Variants in NXPE2 observed in about 807,000 individuals in gnomAD.
The protein encoded by NXPE2 is neurexophilin and PC-esterase domain family member 2.
In NXPE2, 34 loss-of-function variants were observed where a neutral mutation model predicts 34.4. The ratio of observed to expected loss-of-function variants is 0.99; its 90% confidence interval spans 0.75 to 1.31. The LOEUF (loss-of-function observed/expected upper bound fraction) is 1.31. NXPE2 is among the 40% of genes most tolerant of loss of function. The pLI is 0.00. For synonymous variants in NXPE2, 235 were observed against 231.3 expected (o/e 1.02, Z -0.15); for missense variants, 649 against 672.5 (o/e 0.97, Z 0.39).
At chr11:114,806,067 T>G in the NXPE2 span, among the ~76,000 whole-genome samples, 2 of 152,204 alleles carry the variant, frequency 1.3e-5, no homozygotes, top group Non-Finnish European at 2.9e-5. Context: ...CCACCGCTGC[T>G]GGTACCCAGG....
chr11:114,485,549 CA>C, the NXPE2 span, among the ~76,000 whole-genome samples: 1 of 151,802 alleles, frequency 6.6e-6, no homozygotes, highest in African/African-American at 2.4e-5. Flanking sequence ...TTTAAATGTA[CA>C]ATACATTATT....
At chr11:114,561,516 G>T in the NXPE2 span, among the ~76,000 whole-genome samples, 1 of 152,100 alleles carries the variant, frequency 6.6e-6, no homozygotes, top group East Asian at 1.9e-4. Flanking sequence ...AAAGTCTTTG[G>T]TAGCTCTTTC....
the NXPE2 span, among the ~76,000 whole-genome samples, chr11:114,465,062 C>T: frequency 6.6e-6 from 1 of 152,166 alleles, no homozygotes; most frequent in South Asian, 2.1e-4. Context: ...GAATGTGAGT[C>T]TTAAGCACTT....
chr11:114,796,287 G>A, the NXPE2 span, among the ~76,000 whole-genome samples: 83 of 152,088 alleles, frequency 5.5e-4, no homozygotes, highest in East Asian at 3.5e-3. Context: ...AGCTCTGTTC[G>A]CATATTAATT....
chr11:114,578,918 A>G, the NXPE2 span, among the ~76,000 whole-genome samples: 1 of 152,218 alleles, frequency 6.6e-6, no homozygotes, highest in Non-Finnish European at 1.5e-5. Context: ...GTGTGCCACT[A>G]TGCCTTGCAA....
the NXPE2 span, among the ~76,000 whole-genome samples, chr11:114,791,653 A>C: frequency 6.6e-6 from 1 of 152,236 alleles, no homozygotes; most frequent in Non-Finnish European, 1.5e-5. Context: ...GGTAGGGTGA[A>C]AGTAAAATTG....
the NXPE2 span, among the ~76,000 whole-genome samples, chr11:114,655,081 GC>G: frequency 6.6e-6 from 1 of 152,098 alleles, no homozygotes; most frequent in Admixed American, 6.5e-5. Context: ...GTGATAATGA[GC>G]TTTTTTTTCT....
At chr11:114,608,863 A>C in the NXPE2 span, among the ~76,000 whole-genome samples, 4 of 150,872 alleles carry the variant, frequency 2.7e-5, no homozygotes. Flanking sequence ...GTGGGTAACC[A>C]CTCTTACCCG....
At chr11:114,780,390 C>A in the NXPE2 span, among the ~76,000 whole-genome samples, 1 of 152,204 alleles carries the variant, frequency 6.6e-6, no homozygotes, top group Admixed American at 6.5e-5. Flanking sequence ...GGAGCTGTGC[C>A]TGCAGGAAAT....
chr11:114,590,184 G>C, the NXPE2 span, among the ~76,000 whole-genome samples: 2 of 152,162 alleles, frequency 1.3e-5, no homozygotes, highest in Non-Finnish European at 2.9e-5. Context: ...GCAATATGTG[G>C]ATGATATACT....
At chr11:114,610,320 C>G in the NXPE2 span, among the ~76,000 whole-genome samples, 1 of 151,290 alleles carries the variant, frequency 6.6e-6, no homozygotes, top group Non-Finnish European at 1.5e-5. Context: ...CACTGTTATC[C>G]GGTGAATAAT....
chr11:114,717,851 A>G, the NXPE2 span, among the ~76,000 whole-genome samples: 1 of 152,200 alleles, frequency 6.6e-6, no homozygotes, highest in African/African-American at 2.4e-5. Context: ...GAGGGTTACC[A>G]GAAGTGTTTG....
the NXPE2 span, among the ~76,000 whole-genome samples, chr11:114,787,716 T>TTTCC: frequency 6.6e-6 from 1 of 152,168 alleles, no homozygotes; most frequent in Non-Finnish European, 1.5e-5. Flanking sequence ...TATGTATGTA[T>TTTCC]CTATCTATCT....
At position 114,698,010 on chromosome 11, in the gene NXPE2, CTGA is replaced by C. The variant is rs749339415; in HGVS notation, c.133-30_133-28del. The C allele has an allele frequency of 1.3e-4, 183 of 1,439,484 alleles. 5 individuals are homozygous for C. In the South Asian group the frequency reaches 2.7e-3, roughly 21 times the overall value. 89.2% of individuals were successfully genotyped at this position (1,439,484 alleles called of 1,614,324 possible). ...ATTGAAAAGCAAGCCCTATTGTTTGCTGATGATATTTTCTTTTCCCTTTCAATA... is the reference window on the plus strand; with the variant it reads ...ATTGAAAAGCAAGCCCTATTGTTTGCTGATATTTTCTTTTCCCTTTCAATA... On this transcript the variant is annotated intron_variant, in intron 2 of 5. Transcript: ENST00000389586.
the NXPE2 span, among the ~76,000 whole-genome samples, chr11:114,798,854 T>C: frequency 2.0e-5 from 3 of 152,210 alleles, no homozygotes; most frequent in African/African-American, 4.8e-5. Flanking sequence ...TCTCTTTCAA[T>C]CTGTACCTTC....
In NXPE2 at chr11:114,706,849, T is replaced by G; in HGVS notation, c.1599T>G (p.Ile533Met). Reference sequence around the variant, plus strand: ...TTATTGATGCCTGGGACATGACGATTGCATATTGCACCAACAATGCCCATC... The same window carrying G: ...TTATTGATGCCTGGGACATGACGATGGCATATTGCACCAACAATGCCCATC... The part of the protein sequence containing the change: ...VGIIDAWDMT[I>M]AYCTNNAHPP... The change falls in exon 6 of 6, where the codon ATT (isoleucine) becomes ATG (methionine). Residue 533 changes from isoleucine to methionine, a missense_variant. Transcript: ENST00000389586. 6.4e-7 allele frequency: 1 copy of G among 1,552,130 alleles called. No individual in the cohort carries two copies. The highest frequency in any genetic ancestry group is 8.7e-7 in the Non-Finnish European group (1 of 1,146,970).
At chr11:114,732,698 T>C in the NXPE2 span, among the ~76,000 whole-genome samples, 1 of 152,224 alleles carries the variant, frequency 6.6e-6, no homozygotes, top group Admixed American at 6.5e-5. Flanking sequence ...TTCTTAAAAA[T>C]TCTCTCTGTT....
chr11:114,582,655 C>T, the NXPE2 span: 2 of 1,614,196 alleles, frequency 1.2e-6, no homozygotes, highest in Non-Finnish European at 1.7e-6. Flanking sequence ...AAGTCAGTCA[C>T]CTTTCCTGAA....
At chr11:114,584,114 G>A in the NXPE2 span, 1 of 292,042 alleles carries the variant, frequency 3.4e-6, no homozygotes, top group Non-Finnish European at 6.7e-6. Flanking sequence ...TGTGGAATCT[G>A]TCAAGAGTGT....
Sources: allele counts gnomAD v4.1 joint callset (sites outside exome capture counted in the v4.1 genomes callset), GRCh38; gene constraint gnomAD v4.1.1; transcripts MANE v1.5; gene names NCBI Gene and HGNC (gene_info 2026-07-23, HGNC 2026-07-21).